JAKMIP1: variants seen among roughly 807,000 people sequenced by gnomAD.
JAKMIP1 encodes the protein janus kinase and microtubule interacting protein 1.
In JAKMIP1, 33 loss-of-function variants were observed where a neutral mutation model predicts 113.0. That is an observed-to-expected ratio of 0.29 (90% CI 0.22 to 0.39). The LOEUF is 0.39. JAKMIP1 is among the 10% of genes least tolerant of loss of function. The pLI is 1.00. For synonymous variants in JAKMIP1, 480 were observed against 459.9 expected, an observed-to-expected ratio of 1.04 and a Z score of -0.56; for missense variants, 813 against 1,080.5, an observed-to-expected ratio of 0.75 and a Z score of 3.47.
chr4:6,164,101 G>A (rs919915563), intron 1 of JAKMIP1, among the ~76,000 whole-genome samples: 2 of 152,220 alleles, frequency 1.3e-5, no homozygotes, highest in African/African-American at 4.8e-5. Flanking sequence ...TTTCCATGCA[G>A]ATGAAACAAC....
In JAKMIP1 at chr4:6,064,849, G is replaced by A; in HGVS notation, c.1431+31C>T. 2 of 1,612,958 alleles carry A rather than the reference G, an allele frequency of 1.2e-6. No individual in the cohort carries two copies. The highest frequency in any genetic ancestry group is 1.7e-6 in the Non-Finnish European group (2 of 1,179,624). ...GTGCCGCCCCGAGAGCATCTGGGGT[G>A]AGGTCCCGCCCTCTCTGCAGGTTTG... On this transcript the variant is annotated intron_variant, in intron 9 of 20. Coordinates refer to ENST00000409021, the MANE Select transcript of JAKMIP1 (RefSeq NM_001099433.2). This position sits in a 1 kb window ranked among gnomAD's most constrained non-coding sequence, Gnocchi z 4.3.
At chr4:6,102,580 T>A (rs1713224591) in intron 3 of JAKMIP1, among the ~76,000 whole-genome samples, 2 of 152,006 alleles carry the variant, frequency 1.3e-5, no homozygotes, top group Non-Finnish European at 2.9e-5. Context: ...AAGAAAAAAA[T>A]TTCTATTATA....
chr4:6,167,316 CCT>C lies in JAKMIP1; in HGVS notation c.-148+32935_-148+32936del, dbSNP rs1723761062. Among the ~76,000 whole-genome samples the C allele has an allele frequency of 1.3e-5, 2 of 152,046 alleles. No homozygotes were observed. The highest frequency in any genetic ancestry group is 1.3e-4 in the Admixed American group (2 of 15,280). ...CATCTTTCATGTGGCTCCTCCTCCC[CCT>C]GACAGTGGCCCTTGTCTCCCTCCAG... On this transcript the variant is annotated intron_variant, in intron 1 of 20. Transcript: ENST00000409021. This position sits in a 1 kb window ranked among gnomAD's most constrained non-coding sequence, Gnocchi z 5.3.
chr4:6,191,305 A>T (rs1383250214), intron 1 of JAKMIP1, among the ~76,000 whole-genome samples: 1 of 152,032 alleles, frequency 6.6e-6, no homozygotes, highest in Non-Finnish European at 1.5e-5. Context: ...CACAGCTCCC[A>T]CCGCCAGTGT....
chr4:6,056,636 C>T, intron 12 of JAKMIP1, 61 bp downstream of exon 12: 1 of 1,328,474 alleles, frequency 7.5e-7, no homozygotes. Flanking sequence ...GTAGTCTGAG[C>T]AGGCCCGCGG....
At chr4:6,123,716 G>T (rs1459238739) in intron 1 of JAKMIP1, among the ~76,000 whole-genome samples, 1 of 152,130 alleles carries the variant, frequency 6.6e-6, no homozygotes, top group African/African-American at 2.4e-5. Flanking sequence ...AGCTACCCAG[G>T]AGACTGAGGT....
chr4:6,100,089 A>G (rs988086114), intron 3 of JAKMIP1, among the ~76,000 whole-genome samples: 1 of 152,092 alleles, frequency 6.6e-6, no homozygotes, highest in African/African-American at 2.4e-5. Flanking sequence ...TAAATTTCCA[A>G]TTTTTCTTGT....
chr4:6,030,617 C>T (rs1451413232), intron 19 of JAKMIP1, among the ~76,000 whole-genome samples: 1 of 152,244 alleles, frequency 6.6e-6, no homozygotes, highest in African/African-American at 2.4e-5. Flanking sequence ...TGGGGCAACT[C>T]TGCCCAGCGG....
intron 19 of JAKMIP1, among the ~76,000 whole-genome samples, chr4:6,030,708 T>C (rs1048401303): frequency 6.6e-6 from 1 of 152,170 alleles, no homozygotes; most frequent in Non-Finnish European, 1.5e-5. Context: ...GGTGGACGAT[T>C]TCAGCCAGCA....
At position 6,084,967 on chromosome 4, in the gene JAKMIP1, T is replaced by TAAAAAAAAAA. The variant is rs56874913; in HGVS notation, c.835-12_835-3dup. 1.6e-4 allele frequency: 61 copies of TAAAAAAAAAA among 377,974 alleles called. 1 individual carries two copies. The highest frequency in any genetic ancestry group is 1.1e-3 in the South Asian group (11 of 10,324). 23.4% of individuals were successfully genotyped at this position (377,974 alleles called of 1,614,324 possible). A position where few individuals can be genotyped will look rare whatever the true frequency, so the allele number is the denominator to read the frequency against. On this transcript the variant is annotated splice_region_variant and splice_polypyrimidine_tract_variant and intron_variant, in intron 4 of 20. Transcript: ENST00000409021. The stretch of plus-strand genomic sequence containing the variant: ...ATCTCGCTCGTCCATATGTTGATCC[T>TAAAAAAAAAA]AAAAAAAAAAAAAAAAAAAAAAAAA...
At chr4:6,133,868 T>C (rs1718868166) in intron 1 of JAKMIP1, among the ~76,000 whole-genome samples, 1 of 152,194 alleles carries the variant, frequency 6.6e-6, no homozygotes, top group Admixed American at 6.5e-5. Flanking sequence ...TTCTCTCTCT[T>C]CTTGGCTGCA....
chr4:6,120,370 A>G (rs551540170), intron 1 of JAKMIP1, among the ~76,000 whole-genome samples: 6 of 152,310 alleles, frequency 3.9e-5, no homozygotes, highest in African/African-American at 9.6e-5. Flanking sequence ...TAAGGAAGCA[A>G]TTCCCGAAAG....
chr4:6,069,098 T>C lies in JAKMIP1; in HGVS notation c.1303-4090A>G, dbSNP rs1020912584. 2.0e-5 allele frequency among the ~76,000 whole-genome samples: 3 copies of C among 152,204 alleles called. No homozygotes were observed. The highest frequency in any genetic ancestry group is 4.8e-5 in the African/African-American group (2 of 41,454). Reference sequence around the variant, plus strand: ...CAGTGGCTATCTTCCTTGAAGGCAATGCAACTGGTTTTGCACTGCATTTTC... The same window carrying C: ...CAGTGGCTATCTTCCTTGAAGGCAACGCAACTGGTTTTGCACTGCATTTTC... On this transcript the variant is annotated intron_variant, in intron 8 of 20. Coordinates refer to ENST00000409021, the MANE Select transcript of JAKMIP1 (RefSeq NM_001099433.2). The surrounding 1 kb of genome is among the most constrained non-coding windows in gnomAD (Gnocchi z 4.5).
At position 6,136,616 on chromosome 4, in the gene JAKMIP1, A is replaced by G. The variant is rs1177589171; in HGVS notation, c.-147-23619T>C. On this transcript the variant is annotated intron_variant, in intron 1 of 20. Coordinates refer to ENST00000409021, the MANE Select transcript of JAKMIP1 (RefSeq NM_001099433.2). The surrounding 1 kb of genome is among the most constrained non-coding windows in gnomAD (Gnocchi z 5.9). ...GCTCGTGTCACCTGCACCTTGCTCGACTATCCTTTTCTTGCCTACTTTTCT... is the reference window on the plus strand; with the variant it reads ...GCTCGTGTCACCTGCACCTTGCTCGGCTATCCTTTTCTTGCCTACTTTTCT... 6.6e-6 allele frequency among the ~76,000 whole-genome samples: 1 copy of G among 152,160 alleles called. No individual in the cohort carries two copies. The highest frequency in any genetic ancestry group is 1.5e-5 in the Non-Finnish European group (1 of 68,046).
intron 3 of JAKMIP1, among the ~76,000 whole-genome samples, chr4:6,095,220 G>A (rs537743442): frequency 1.4e-5 from 2 of 139,974 alleles, no homozygotes; most frequent in South Asian, 4.8e-4. Context: ...GAAGAAAGAA[G>A]GAAAGAAAAG....
At chr4:6,128,853 C>T (rs2108930794) in intron 1 of JAKMIP1, among the ~76,000 whole-genome samples, 1 of 152,338 alleles carries the variant, frequency 6.6e-6, no homozygotes, top group Middle Eastern at 3.4e-3. Flanking sequence ...GCATCAGCCA[C>T]ACCTCACCCC....
Position 6,050,301 on chromosome 4 carries a change from CG to C in JAKMIP1, c.1908+276del, listed in dbSNP as rs1409919508. Among the ~76,000 whole-genome samples the C allele has an allele frequency of 4.6e-5, 7 of 152,290 alleles. No homozygotes were observed. Among genetic ancestry groups the C allele is most frequent in the African/African-American group, 1.7e-4 (7 of 41,558 alleles). On this transcript the variant is annotated intron_variant, in intron 14 of 20. Coordinates refer to ENST00000409021, the MANE Select transcript of JAKMIP1 (RefSeq NM_001099433.2). The surrounding 1 kb of genome is among the most constrained non-coding windows in gnomAD (Gnocchi z 7.4). ...GGGTATTGTCATTTGGATTTCATAG[CG>C]AAGAGGCTAAGGCTCTGAAAGTTTA...
chr4:6,170,407 C>A (rs539467366), intron 1 of JAKMIP1, among the ~76,000 whole-genome samples: 1 of 151,536 alleles, frequency 6.6e-6, no homozygotes, highest in Non-Finnish European at 1.5e-5. Context: ...CTATCACTAC[C>A]GCCACCACCA....
chr4:6,060,271 C>A (rs1213521026), intron 11 of JAKMIP1, among the ~76,000 whole-genome samples, 153 bp downstream of exon 11: 1 of 152,170 alleles, frequency 6.6e-6, no homozygotes, highest in South Asian at 2.1e-4. Context: ...CACATTCGTG[C>A]CTGGGTTCTG....
Sources: allele counts gnomAD v4.1 joint callset (sites outside exome capture counted in the v4.1 genomes callset), GRCh38; gene constraint gnomAD v4.1.1; non-coding constraint Gnocchi (gnomAD v3.1); transcripts MANE v1.5; gene names NCBI Gene and HGNC (gene_info 2026-07-23, HGNC 2026-07-21).